Variants in ARHGEF10 observed in about 807,000 individuals in gnomAD.
ARHGEF10 encodes the protein Rho guanine nucleotide exchange factor 10.
ARHGEF10 carries 140 observed loss-of-function variants against 147.4 expected under a neutral mutation model. The ratio of observed to expected loss-of-function variants is 0.95; its 90% CI spans 0.83 to 1.09. ARHGEF10 has a LOEUF of 1.09. Among genes scored for constraint, ARHGEF10 ranks in the 50% least tolerant of loss-of-function variants. The pLI is 0.00. For synonymous variants in ARHGEF10, 902 were observed against 695.8 expected (o/e 1.30, Z -4.67); for missense variants, 2,222 against 1,752.7 (o/e 1.27, Z -4.78).
rs147544189 is a variant in ARHGEF10, at chr8:1,909,399, C to A, written c.2072C>A (p.Thr691Lys). The A allele has an allele frequency of 9.9e-6, 16 of 1,614,004 alleles. No individual in the cohort carries two copies. The South Asian group carries it at 1.5e-4, about 16-fold the overall frequency. Reference sequence around the variant, plus strand: ...ATCGAGTATGGCAGCAGCGCAGGCACGGGCGAGCACAGCAGGCACCTTGCC... The same window carrying A: ...ATCGAGTATGGCAGCAGCGCAGGCAAGGGCGAGCACAGCAGGCACCTTGCC... Reference protein sequence around the residue: ...DAIEYGSSAGTGEHSRHLAVH... With the variant: ...DAIEYGSSAGKGEHSRHLAVH... Residue 691 changes from threonine to lysine, a missense_variant, in exon 18 of 29, where the codon ACG (threonine) becomes AAG (lysine). Physicochemically the swap from Thr to Lys is moderately conservative, Grantham distance 78. Transcript: ENST00000349830.
intron 4 of ARHGEF10, among the ~76,000 whole-genome samples, chr8:1,863,990 A>G (rs775602002): frequency 5.3e-5 from 8 of 151,794 alleles, no homozygotes; most frequent in African/African-American, 9.7e-5. Context: ...CTGTGGACAC[A>G]TGGAGTGGGA....
intron 1 of ARHGEF10, among the ~76,000 whole-genome samples, chr8:1,833,654 G>C (rs1050160277): frequency 5.9e-5 from 9 of 152,296 alleles, no homozygotes; most frequent in Admixed American, 2.6e-4. Flanking sequence ...CCCTTTCCAT[G>C]CCAGGCCCCG....
chr8:1,900,229 A>G (rs1457562746), intron 15 of ARHGEF10, among the ~76,000 whole-genome samples: 3 of 152,206 alleles, frequency 2.0e-5, no homozygotes, highest in Non-Finnish European at 2.9e-5. Context: ...TCTTTTAGAC[A>G]GAAGGGGTGG....
At chr8:1,945,460 C>G in intron 26 of ARHGEF10, 21 bp from the exon 27 acceptor site, 2 of 1,570,858 alleles carry the variant, frequency 1.3e-6, no homozygotes, top group Non-Finnish European at 1.7e-6. Flanking sequence ...GGCTAGCAGA[C>G]TTGACCTCTC....
At chr8:1,925,942 C>G (rs1231951319) in intron 22 of ARHGEF10, among the ~76,000 whole-genome samples, 3 of 152,230 alleles carry the variant, frequency 2.0e-5, no homozygotes, top group Admixed American at 6.5e-5. Context: ...ACCCTGGTCT[C>G]TGGCCAGGGT....
At chr8:1,933,986 C>T (rs376738436) in intron 26 of ARHGEF10, 44 bp downstream of exon 26, 22 of 1,613,554 alleles carry the variant, frequency 1.4e-5, no homozygotes, top group Middle Eastern at 1.6e-4. Context: ...AAATGCATTT[C>T]AGAAACAGCT....
chr8:1,898,008 T>G (rs1273332632), intron 14 of ARHGEF10, among the ~76,000 whole-genome samples: 1 of 152,112 alleles, frequency 6.6e-6, no homozygotes, highest in East Asian at 1.9e-4. Context: ...CCCAACAGCC[T>G]TGGTAGCAAA....
intron 2 of ARHGEF10, among the ~76,000 whole-genome samples, chr8:1,844,587 G>A (rs141001079): frequency 4.9e-4 from 75 of 152,268 alleles, no homozygotes; most frequent in East Asian, 1.5e-3. Flanking sequence ...GGAGTTCTCC[G>A]GAGCCGCAAG....
chr8:1,923,433 C>T lies in ARHGEF10; in HGVS notation c.2260-35C>T, dbSNP rs1344613577. ...CCTTGGGATGGCCCTAGTTTTTAAA[C>T]ACTTTTGAAATGTGCGTATTTATTT... is the stretch of plus-strand genomic sequence containing the variant. On this transcript the variant is annotated intron_variant, in intron 19 of 28. Coordinates refer to ENST00000349830, the MANE Select transcript of ARHGEF10 (RefSeq NM_014629.4). 5 of 1,613,814 alleles carry T rather than the reference C, an allele frequency of 3.1e-6. No homozygotes were observed. The South Asian group carries it at 5.5e-5, about 18-fold the overall frequency.
chr8:1,845,876 G>T (rs1362272327), intron 2 of ARHGEF10, among the ~76,000 whole-genome samples: 1 of 152,200 alleles, frequency 6.6e-6, no homozygotes, highest in South Asian at 2.1e-4. Flanking sequence ...GACTGGGGGT[G>T]CCCAGGGTTC....
At position 1,880,047 on chromosome 8, in the gene ARHGEF10, G is replaced by A; in HGVS notation, c.844-1G>A. 6.2e-7 allele frequency: 1 copy of A among 1,602,952 alleles called. No homozygotes were observed. Among genetic ancestry groups the A allele is most frequent in the Non-Finnish European group, 8.5e-7 (1 of 1,169,774 alleles). On this transcript the variant is annotated splice_acceptor_variant, in intron 8 of 28. Transcript: ENST00000349830. LOFTEE classifies it high-confidence loss of function. Reference sequence around the variant, plus strand: ...AAAGACTGTGTCTCTTTATGCTGTAGCTTTCTCATGACCTAACCCGTTTAA... The same window carrying A: ...AAAGACTGTGTCTCTTTATGCTGTAACTTTCTCATGACCTAACCCGTTTAA...
At chr8:1,932,468 ATG>A (rs796964701) in intron 25 of ARHGEF10, among the ~76,000 whole-genome samples, 5 of 151,856 alleles carry the variant, frequency 3.3e-5, no homozygotes, top group African/African-American at 1.2e-4. Flanking sequence ...GCATGTGTGT[ATG>A]TGTGTGACAT....
chr8:1,935,468 T>C (rs112013119), intron 26 of ARHGEF10, among the ~76,000 whole-genome samples: 8 of 151,656 alleles, frequency 5.3e-5, no homozygotes, highest in African/African-American at 1.9e-4. Flanking sequence ...CCTCCCCCAG[T>C]CTCGGCAACC....
At chr8:1,857,293 A>C (rs554144575) in intron 2 of ARHGEF10, among the ~76,000 whole-genome samples, 2 of 152,344 alleles carry the variant, frequency 1.3e-5, no homozygotes, top group South Asian at 4.1e-4. Context: ...GTTATTTCTA[A>C]AAGTAAAGTG....
intron 9 of ARHGEF10, among the ~76,000 whole-genome samples, chr8:1,882,091 C>A (rs945209534): frequency 6.6e-6 from 1 of 152,166 alleles, no homozygotes; most frequent in African/African-American, 2.4e-5. Flanking sequence ...GTGCTGCACC[C>A]CGACCCTCCC....
In ARHGEF10 at chr8:1,928,427, A is replaced by G. The variant is rs948393434; in HGVS notation, c.2698A>G (p.Ile900Val). The change falls in exon 24 of 29, where the codon ATC becomes GTC. Residue 900 changes from isoleucine to valine, a missense_variant and splice_region_variant. Transcript: ENST00000349830. ...SFSTAHGFLW[I>V]GSCTHQMGQI... is the part of the protein sequence containing the mutation. Reference sequence around the variant, plus strand: ...CTTTCCTCCTAATTCTCTGATTCAGATCGGAAGTTGCACCCATCAAATGGG... The same window carrying G: ...CTTTCCTCCTAATTCTCTGATTCAGGTCGGAAGTTGCACCCATCAAATGGG... 1.2e-6 allele frequency: 2 copies of G among 1,613,566 alleles called. No individual in the cohort carries two copies. Among genetic ancestry groups the G allele is most frequent in the African/African-American group, 2.7e-5 (2 of 74,890 alleles).
At chr8:1,846,014 G>A (rs368535651) in intron 2 of ARHGEF10, among the ~76,000 whole-genome samples, 2 of 152,250 alleles carry the variant, frequency 1.3e-5, no homozygotes, top group South Asian at 2.1e-4. Flanking sequence ...TGGCCAGGCC[G>A]TCCTTGGGCC....
intron 22 of ARHGEF10, 36 bp downstream of exon 22, chr8:1,925,440 C>A (rs375266065): frequency 2.2e-5 from 36 of 1,611,972 alleles, no homozygotes; most frequent in Non-Finnish European, 2.8e-5. Flanking sequence ...CGGGGTGGGA[C>A]GCACCTCGCA....
intron 21 of ARHGEF10, among the ~76,000 whole-genome samples, chr8:1,924,585 A>T (rs1224251434): frequency 1.3e-5 from 2 of 152,224 alleles, no homozygotes; most frequent in Non-Finnish European, 2.9e-5. Context: ...GGGAGCTCTG[A>T]TTAGTGGAAG....
Sources: allele counts gnomAD v4.1 joint callset (sites outside exome capture counted in the v4.1 genomes callset), GRCh38; gene constraint gnomAD v4.1.1; transcripts MANE v1.5; gene names NCBI Gene and HGNC (gene_info 2026-07-23, HGNC 2026-07-21).